Variants in TTBK1 observed in about 807,000 individuals in gnomAD.
TTBK1 encodes tau-tubulin kinase 1.
In TTBK1, 34 loss-of-function variants were observed where a neutral mutation model predicts 108.5. That is an observed-to-expected ratio of 0.31 (90% confidence interval 0.24 to 0.42). The LOEUF is 0.42. TTBK1 is among the 10% of genes least tolerant of loss of function. The pLI is 1.00. For synonymous variants in TTBK1, 809 were observed against 795.1 expected, an observed-to-expected ratio of 1.02 and a Z score of -0.29; for missense variants, 1,539 against 1,826.0, an observed-to-expected ratio of 0.84 and a Z score of 2.86.
At chr6:43,260,309 G>C (rs924568311) in intron 12 of TTBK1, among the ~76,000 whole-genome samples, 7 of 152,180 alleles carry the variant, frequency 4.6e-5, no homozygotes, top group African/African-American at 1.7e-4. Flanking sequence ...GCCAGGGCCC[G>C]GTCCCCATCT....
rs1778195509 is a variant in TTBK1, at chr6:43,282,602, A to G, written c.1987-125A>G. ...AGACCCAGTGCCTGTGCTTAACTTT[A>G]TGGAGCTCACACTCTGGTAGACGAC... is the stretch of plus-strand genomic sequence containing the variant. On this transcript the variant is annotated intron_variant, in intron 13 of 14. Transcript: ENST00000259750. The surrounding 1 kb of genome is among the most constrained non-coding windows in gnomAD (Gnocchi z 5.4). 1.3e-6 allele frequency: 1 copy of G among 770,794 alleles called. No individual in the cohort carries two copies. Among genetic ancestry groups the G allele is most frequent in the Admixed American group, 2.5e-5 (1 of 40,580 alleles). 47.7% of individuals were successfully genotyped at this position (770,794 alleles called of 1,614,324 possible). A position where few individuals can be genotyped will look rare whatever the true frequency, so the allele number is the denominator to read the frequency against.
rs79962792 is a variant in TTBK1 at position 43,251,289 on chromosome 6, G to C, written c.109-1450G>C. ...CGTTCGGGGCGGGTTCAGAGATGCA[G>C]GAGGCTGAGCGGCCAGAGTCTGCTG... On this transcript the variant is annotated intron_variant, in intron 2 of 14. Transcript: ENST00000259750. Among the ~76,000 whole-genome samples, 501 of 152,324 alleles carry C rather than the reference G, an allele frequency of 3.3e-3. 1 individual carries two copies. The highest frequency in any genetic ancestry group is 5.6e-3 in the Non-Finnish European group (383 of 68,020).
In TTBK1 at chr6:43,283,413, C is replaced by G; in HGVS notation, c.2673C>G (p.Leu891=). 1 of 1,612,686 alleles carries G rather than the reference C, an allele frequency of 6.2e-7. No individual in the cohort carries two copies. Among genetic ancestry groups the G allele is most frequent in the Non-Finnish European group, 8.5e-7 (1 of 1,179,360 alleles). The change falls in exon 14 of 15, where the codon CTC becomes CTG. Residue 891 remains leucine (L), a synonymous_variant. Coordinates refer to ENST00000259750, the MANE Select transcript of TTBK1 (RefSeq NM_032538.3). This position sits in a 1 kb window ranked among gnomAD's most constrained non-coding sequence, Gnocchi z 8.1. ...AGCCAGGCACCCTGTCCTCTGTCCT[C>G]AAGTCTGAGCCCAAGCCCCCGGGGC... ...VSEPGTLSSV[L]KSEPKPPGPG...
In TTBK1 at chr6:43,257,325, G is replaced by A. The variant is rs944482944; in HGVS notation, c.862-487G>A. Among the ~76,000 whole-genome samples, 2 of 152,222 alleles carry A rather than the reference G, an allele frequency of 1.3e-5. No individual in the cohort carries two copies. Among genetic ancestry groups the A allele is most frequent in the African/African-American group, 4.8e-5 (2 of 41,458 alleles). ...CTAGGGATGCAGAGTTGACAGATAG[G>A]CATGTGGACAATTCAAACTGATGCA... On this transcript the variant is annotated intron_variant, in intron 9 of 14. Transcript: ENST00000259750. This position sits in a 1 kb window ranked among gnomAD's most constrained non-coding sequence, Gnocchi z 4.5.
rs780254278 is a variant in TTBK1, at chr6:43,263,070, A to G, written c.1706A>G (p.Glu569Gly). 19 of 1,575,522 alleles carry G rather than the reference A, an allele frequency of 1.2e-5. No homozygotes were observed. In the African/African-American group the frequency reaches 2.6e-4, roughly 21 times the overall value. Residue 569 changes from glutamate (E) to glycine (G), a missense_variant, in exon 13 of 15, where the codon GAG becomes GGG. By Grantham distance (98) the Glu-to-Gly change is moderately conservative. Around this residue, in one of 5 missense-constraint regions of TTBK1, gnomAD observed 1,055 missense variants for 1,086.5 expected, o/e 0.97. Coordinates refer to ENST00000259750, the MANE Select transcript of TTBK1 (RefSeq NM_032538.3). The surrounding 1 kb of genome is among the most constrained non-coding windows in gnomAD (Gnocchi z 4.7). ...CCCAGCACATCGGGCACCACGGATGAGGAGCCCGAGGAGCTGCGGCCACTG... is the reference window on the plus strand; with the variant it reads ...CCCAGCACATCGGGCACCACGGATGGGGAGCCCGAGGAGCTGCGGCCACTG... ...AEPSTSGTTDEEPEELRPLPE... is the reference protein window; with the variant it reads ...AEPSTSGTTDGEPEELRPLPE...
In TTBK1 at chr6:43,269,789, C is replaced by G; in HGVS notation, c.1986+6439C>G. ...GCGGCTCCTCGGGCTCCTCCGGTTC[C>G]CTCATTCAGCGCAGCCGCTCGGCTG... On this transcript the variant is annotated intron_variant, in intron 13 of 14. Transcript: ENST00000259750. This position sits in a 1 kb window ranked among gnomAD's most constrained non-coding sequence, Gnocchi z 4.8. The G allele has an allele frequency of 6.4e-7, 1 of 1,570,040 alleles. No individual in the cohort carries two copies. The highest frequency in any genetic ancestry group is 8.6e-7 in the Non-Finnish European group (1 of 1,163,536).
rs1582478984 is a variant in TTBK1, at chr6:43,253,446, G to A, written c.330+82G>A. The stretch of plus-strand genomic sequence containing the variant: ...AGGGTAGGGGAAGGGAAGGTAGACT[G>A]TGGCCCTGGGAAAGGGCAGTGGGCA... On this transcript the variant is annotated intron_variant, in intron 4 of 14. Coordinates refer to ENST00000259750, the MANE Select transcript of TTBK1 (RefSeq NM_032538.3). The surrounding 1 kb of genome is among the most constrained non-coding windows in gnomAD (Gnocchi z 5.8). 1.3e-6 allele frequency: 2 copies of A among 1,599,668 alleles called. No individual in the cohort carries two copies. The highest frequency in any genetic ancestry group is 1.1e-5 in the South Asian group (1 of 90,312).
At chr6:43,272,190 G>C (rs1050819914) in intron 13 of TTBK1, 1 of 985,392 alleles carries the variant, frequency 1.0e-6, no homozygotes, top group Admixed American at 6.1e-5. Context: ...CAGCAGCAGT[G>C]TGGGCAAGGG....
In TTBK1 at chr6:43,254,635, C is replaced by G; in HGVS notation, c.560C>G (p.Thr187Arg). Residue 187 changes from threonine to arginine, a missense_variant, in exon 6 of 15, where the codon ACG becomes AGG. Thr to Arg is a moderately conservative substitution (Grantham distance 71). Coordinates refer to ENST00000259750, the MANE Select transcript of TTBK1 (RefSeq NM_032538.3). ...FGLARQYTNT[T>R]GDVRPPRNVA... is the part of the protein sequence containing the mutation. Reference sequence around the variant, plus strand: ...CTGGCCCGGCAGTACACCAACACCACGGGGGATGTGCGGCCCGTGAGTACC... The same window carrying G: ...CTGGCCCGGCAGTACACCAACACCAGGGGGGATGTGCGGCCCGTGAGTACC... 5 of 1,583,068 alleles carry G rather than the reference C, an allele frequency of 3.2e-6. No homozygotes were observed. The highest frequency in any genetic ancestry group is 3.4e-6 in the Non-Finnish European group (4 of 1,166,142).
Position 43,263,204 on chromosome 6 carries a change from C to A in TTBK1, c.1840C>A (p.Gln614Lys). The A allele has an allele frequency of 6.3e-7, 1 of 1,579,712 alleles. No homozygotes were observed. Among genetic ancestry groups the A allele is most frequent in the Non-Finnish European group, 8.6e-7 (1 of 1,162,690 alleles). ...GGAGGACCTGCAGCATTTGCCGCCC[C>A]AGCCCCTGCCACCCCAGCTGAGCCA... ...AEEDLQHLPP[Q>K]PLPPQLSQGD... is the part of the protein sequence containing the mutation. Residue 614 changes from glutamine to lysine, a missense_variant, in exon 13 of 15, where the codon CAG (glutamine) becomes AAG (lysine). Coordinates refer to ENST00000259750, the MANE Select transcript of TTBK1 (RefSeq NM_032538.3). This position sits in a 1 kb window ranked among gnomAD's most constrained non-coding sequence, Gnocchi z 4.7.
intron 7 of TTBK1, 150 bp from the exon 8 acceptor site, chr6:43,255,402 A>G (rs1582482118): frequency 1.4e-6 from 1 of 731,798 alleles, no homozygotes; most frequent in Non-Finnish European, 2.3e-6. Flanking sequence ...AGGGTTGGGG[A>G]TGGAGCTGTG....
Position 43,285,146 on chromosome 6 carries a change from A to G in TTBK1, c.3736A>G (p.Ser1246Gly). 7.0e-7 allele frequency: 1 copy of G among 1,432,456 alleles called. No homozygotes were observed. Among genetic ancestry groups the G allele is most frequent in the Non-Finnish European group, 9.1e-7 (1 of 1,100,736 alleles). 88.7% of individuals were successfully genotyped at this position (1,432,456 alleles called of 1,614,324 possible). The change falls in exon 15 of 15, where the codon AGC becomes GGC. Residue 1246 changes from serine (S) to glycine (G), a missense_variant. Ser to Gly is a moderately conservative substitution (Grantham distance 56). Transcript: ENST00000259750. This position sits in a 1 kb window ranked among gnomAD's most constrained non-coding sequence, Gnocchi z 4.7. ...GTCCACATCCGCCGCGCGCAATGCC[A>G]GCGCGTCCCCCCGGAGCCAGTCCCT... ...PASTSAARNASASPRSQSLSR... is the reference protein window; with the variant it reads ...PASTSAARNAGASPRSQSLSR...
In TTBK1 at chr6:43,263,935, G is replaced by C. The variant is rs1416366674; in HGVS notation, c.1986+585G>C. On this transcript the variant is annotated intron_variant, in intron 13 of 14. Coordinates refer to ENST00000259750, the MANE Select transcript of TTBK1 (RefSeq NM_032538.3). This position sits in a 1 kb window ranked among gnomAD's most constrained non-coding sequence, Gnocchi z 4.7. ...TGGCAAGAGAGTGTCCCAGTGGCTT[G>C]GGCTGAGGTGGGGCTGTGGATGTGG... 6.6e-6 allele frequency among the ~76,000 whole-genome samples: 1 copy of C among 152,208 alleles called. No homozygotes were observed. The highest frequency in any genetic ancestry group is 1.5e-5 in the Non-Finnish European group (1 of 68,038).
Position 43,257,777 on chromosome 6 carries a change from C to T in TTBK1, c.862-35C>T, listed in dbSNP as rs750191441. ...TTCCTCCTGGCTAGCCCCCGGATCA[C>T]CTCTCTGTCCTCCCATCACCCTCAC... On this transcript the variant is annotated intron_variant, in intron 9 of 14. Coordinates refer to ENST00000259750, the MANE Select transcript of TTBK1 (RefSeq NM_032538.3). This position sits in a 1 kb window ranked among gnomAD's most constrained non-coding sequence, Gnocchi z 4.5. 6.3e-7 allele frequency: 1 copy of T among 1,594,924 alleles called. No individual in the cohort carries two copies. The highest frequency in any genetic ancestry group is 8.6e-7 in the Non-Finnish European group (1 of 1,167,248).
In TTBK1 at chr6:43,243,524, C is replaced by T. The variant is rs1330663920; in HGVS notation, c.-239C>T. ...CTCTGCCGCTGCCGCCGCCGTCGCC[C>T]AAGGAGGATCGGGGCCGGGCCGGGC... On this transcript the variant is annotated 5_prime_UTR_variant, in exon 1 of 15. Coordinates refer to ENST00000259750, the MANE Select transcript of TTBK1 (RefSeq NM_032538.3). The surrounding 1 kb of genome is among the most constrained non-coding windows in gnomAD (Gnocchi z 5.5). Among the ~76,000 whole-genome samples, 16 of 152,008 alleles carry T rather than the reference C, an allele frequency of 1.1e-4. No individual in the cohort carries two copies. Among genetic ancestry groups the T allele is most frequent in the Admixed American group, 1.0e-3 (16 of 15,292 alleles).
In TTBK1 at chr6:43,283,814, C is replaced by T; in HGVS notation, c.3074C>T (p.Ala1025Val). The T allele has an allele frequency of 6.2e-7, 1 of 1,612,362 alleles. No homozygotes were observed. The highest frequency in any genetic ancestry group is 8.5e-7 in the Non-Finnish European group (1 of 1,179,264). Residue 1025 changes from alanine to valine, a missense_variant, in exon 14 of 15, where the codon GCC becomes GTC. This residue lies in a region of TTBK1 where 1,055 missense variants were observed against 1,086.5 expected (regional missense o/e 0.97). Transcript: ENST00000259750. This position sits in a 1 kb window ranked among gnomAD's most constrained non-coding sequence, Gnocchi z 8.1. ...PNGPALADGP[A>V]PVSPLEPSPE... ...GGCCCGGCCCTTGCAGACGGGCCAG[C>T]CCCGGTGTCCCCGCTGGAGCCAAGC...
intron 13 of TTBK1, among the ~76,000 whole-genome samples, chr6:43,266,978 C>T (rs1178554985): frequency 6.9e-6 from 1 of 145,340 alleles, no homozygotes; most frequent in Non-Finnish European, 1.5e-5. Flanking sequence ...TGTGCAGGAT[C>T]AGAGAGAGCC....
chr6:43,254,272 C>T (rs558447521), intron 5 of TTBK1, among the ~76,000 whole-genome samples: 8 of 152,374 alleles, frequency 5.3e-5, no homozygotes, highest in East Asian at 1.9e-4. Flanking sequence ...GCTGTACAGA[C>T]GTGGCTGAGT....
chr6:43,253,890 C>G lies in TTBK1; in HGVS notation c.471+182C>G, dbSNP rs1159507395. ...CCATCTCTTCCTCTCCCGTGCTCCCCAGGAGCATGCACCCCTGCCTGCCCC... is the reference window on the plus strand; with the variant it reads ...CCATCTCTTCCTCTCCCGTGCTCCCGAGGAGCATGCACCCCTGCCTGCCCC... On this transcript the variant is annotated intron_variant, in intron 5 of 14. Coordinates refer to ENST00000259750, the MANE Select transcript of TTBK1 (RefSeq NM_032538.3). This position sits in a 1 kb window ranked among gnomAD's most constrained non-coding sequence, Gnocchi z 5.8. Among the ~76,000 whole-genome samples, 1 of 152,176 alleles carries G rather than the reference C, an allele frequency of 6.6e-6. No individual in the cohort carries two copies. Among genetic ancestry groups the G allele is most frequent in the East Asian group, 1.9e-4 (1 of 5,192 alleles).
Sources: gnomAD v4.1 joint callset for allele counts (sites outside exome capture counted in the v4.1 genomes callset) on GRCh38, gnomAD v4.1.1 for gene constraint, gnomAD v4.1.1 regional missense constraint, Gnocchi (gnomAD v3.1) non-coding constraint, MANE v1.5 for transcripts, NCBI Gene and HGNC (gene_info 2026-07-23, HGNC 2026-07-21) for gene names.